ETV1: variants seen among roughly 807,000 people sequenced by gnomAD.
The protein encoded by ETV1 is ETS variant transcription factor 1.
In ETV1, 27 loss-of-function variants were observed where a neutral mutation model predicts 62.3. That is an observed-to-expected ratio of 0.43 (90% CI 0.32 to 0.60). The LOEUF (loss-of-function observed/expected upper bound fraction) is 0.60. ETV1 is among the 20% of genes least tolerant of loss of function. ETV1 has a pLI of 0.06. For missense variants in ETV1, 605 were observed against 605.8 expected (o/e 1.00, Z 0.01); for synonymous variants, 222 against 199.6 (o/e 1.11, Z -0.94).
chr7:13,977,571 C>T, intron 5 of ETV1, 91 bp from the exon 6 acceptor site: 1 of 860,112 alleles, frequency 1.2e-6, no homozygotes, highest in South Asian at 1.6e-5. Flanking sequence ...GTAAGATCTT[C>T]TTGGGCTGAG....
At chr7:13,975,668 T>C (rs1165395717) in intron 6 of ETV1, among the ~76,000 whole-genome samples, 1 of 129,454 alleles carries the variant, frequency 7.7e-6, no homozygotes, top group African/African-American at 2.9e-5. Context: ...GGAAGATGAG[T>C]TGAGTAAGAA....
chr7:13,933,668 G>T (rs1272862451), intron 8 of ETV1, among the ~76,000 whole-genome samples: 1 of 152,148 alleles, frequency 6.6e-6, no homozygotes, highest in Non-Finnish European at 1.5e-5. Flanking sequence ...TTATAACTGA[G>T]GGACTGTCAT....
chr7:13,900,622 G>A (rs1285420123), intron 13 of ETV1, 116 bp downstream of exon 13: 5 of 698,922 alleles, frequency 7.2e-6, no homozygotes, highest in East Asian at 5.7e-5. Context: ...CTAAGCATTT[G>A]TTAAAATGAG....
chr7:13,950,899 A>AACACAC (rs67539493), intron 6 of ETV1, among the ~76,000 whole-genome samples: 6,692 of 138,774 alleles, frequency 0.048, 212 homozygotes, highest in South Asian at 0.13. Context: ...CTTCTCTAGG[A>AACACAC]ACACACACAC....
At chr7:13,971,598 A>G (rs776155533) in intron 6 of ETV1, among the ~76,000 whole-genome samples, 35 of 152,160 alleles carry the variant, frequency 2.3e-4, no homozygotes, top group Non-Finnish European at 4.0e-4. Context: ...ACAAGGATCT[A>G]TTCTGTTGGG....
chr7:13,896,779 A>AGAAAGAAAGAAG (rs1781881506), intron 13 of ETV1, among the ~76,000 whole-genome samples: 5 of 151,094 alleles, frequency 3.3e-5, no homozygotes, highest in Admixed American at 2.0e-4. Flanking sequence ...AAAGAAAGAA[A>AGAAAGAAAGAAG]GAAAGAAAGA....
chr7:13,902,698 T>C (rs1027539781), intron 12 of ETV1, among the ~76,000 whole-genome samples: 2 of 152,114 alleles, frequency 1.3e-5, no homozygotes, highest in African/African-American at 4.8e-5. Context: ...AATTTCTGAA[T>C]CCTTATTCAT....
At position 13,928,555 on chromosome 7, in the gene ETV1, G is replaced by A. The variant is rs537262897; in HGVS notation, c.802+2947C>T. 1.6e-4 allele frequency among the ~76,000 whole-genome samples: 24 copies of A among 152,148 alleles called. No individual in the cohort carries two copies. In the South Asian group the frequency reaches 1.7e-3, roughly 11 times the overall value. On this transcript the variant is annotated intron_variant, in intron 9 of 13. Transcript: ENST00000430479. The stretch of plus-strand genomic sequence containing the variant: ...CTTGAACCTGGCAGACGGAGGTTGC[G>A]GTGAGCCGAGATCGTGCCACTGCAC...
chr7:13,951,742 T>C (rs1322389715), intron 6 of ETV1, among the ~76,000 whole-genome samples: 1 of 152,172 alleles, frequency 6.6e-6, no homozygotes, highest in African/African-American at 2.4e-5. Context: ...TCAAAATTAT[T>C]AATTATAACA....
chr7:13,906,030 T>C (rs1369666342), intron 12 of ETV1, among the ~76,000 whole-genome samples: 1 of 152,178 alleles, frequency 6.6e-6, no homozygotes, highest in Admixed American at 6.5e-5. Context: ...TGATTGCTAA[T>C]TTGAAAGAAT....
chr7:13,944,187 T>A (rs765689881), intron 6 of ETV1, among the ~76,000 whole-genome samples: 6 of 152,204 alleles, frequency 3.9e-5, no homozygotes, highest in Non-Finnish European at 8.8e-5. Context: ...TTTCCCGAAG[T>A]GACCTTAGAA....
In ETV1 at chr7:13,930,346, G is replaced by T. The variant is rs1785942939; in HGVS notation, c.802+1156C>A. ...GAAAAAAAATTTTTTTTTTGAGACG[G>T]AGTCTTACTCTGTCACCCAGGCTAG... On this transcript the variant is annotated intron_variant, in intron 9 of 13. Transcript: ENST00000430479. Among the ~76,000 whole-genome samples the T allele has an allele frequency of 2.0e-5, 3 of 152,084 alleles. No individual in the cohort carries two copies. The South Asian group carries it at 6.2e-4, about 32-fold the overall frequency.
chr7:13,896,191 G>C (rs966473122), intron 13 of ETV1, 104 bp from the exon 14 acceptor site: 70 of 826,082 alleles, frequency 8.5e-5, no homozygotes, highest in Admixed American at 2.8e-5. Context: ...GGAAAGGATG[G>C]GTAACTCTGG....
chr7:13,974,074 T>C (rs187060702), intron 6 of ETV1, among the ~76,000 whole-genome samples: 25 of 152,306 alleles, frequency 1.6e-4, no homozygotes, highest in Admixed American at 1.3e-3. Flanking sequence ...TAAAATACTA[T>C]AATACAATAA....
At chr7:13,901,801 G>T (rs1782462880) in intron 12 of ETV1, among the ~76,000 whole-genome samples, 1 of 152,154 alleles carries the variant, frequency 6.6e-6, no homozygotes, top group Admixed American at 6.5e-5. Flanking sequence ...AGTGGAAAAG[G>T]TCACCATGTA....
rs1168229174 is a variant in ETV1, at chr7:13,982,391, T to G, written c.181+4247A>C. On this transcript the variant is annotated intron_variant, in intron 5 of 13. Transcript: ENST00000430479. ...AGCAATATTTTATTTATTAGGATCC[T>G]CTGGAAAAACTACACTATACTACAC... 2.0e-5 allele frequency among the ~76,000 whole-genome samples: 3 copies of G among 152,202 alleles called. No individual in the cohort carries two copies. The East Asian group carries it at 5.8e-4, about 29-fold the overall frequency.
chr7:13,918,501 C>T (rs977223857), intron 9 of ETV1, among the ~76,000 whole-genome samples: 1 of 151,970 alleles, frequency 6.6e-6, no homozygotes, highest in Non-Finnish European at 1.5e-5. Flanking sequence ...CAATGATAGA[C>T]TGGATTAAGA....
intron 6 of ETV1, among the ~76,000 whole-genome samples, chr7:13,942,992 A>G (rs542071989): frequency 6.6e-6 from 1 of 152,230 alleles, no homozygotes; most frequent in Non-Finnish European, 1.5e-5. Flanking sequence ...TTAGGCTTCA[A>G]TGAAATTAAG....
At chr7:13,954,297 A>G (rs1232137919) in intron 6 of ETV1, among the ~76,000 whole-genome samples, 2 of 152,370 alleles carry the variant, frequency 1.3e-5, no homozygotes, top group East Asian at 3.9e-4. Flanking sequence ...CCAGAGCAGT[A>G]TAATTCTAAA....
Sources: gnomAD v4.1 joint callset for allele counts (sites outside exome capture counted in the v4.1 genomes callset) on GRCh38, gnomAD v4.1.1 for gene constraint, MANE v1.5 for transcripts, NCBI Gene and HGNC (gene_info 2026-07-23, HGNC 2026-07-21) for gene names.